The following MYADML2 variants were observed in gnomAD, a reference collection of about 807,000 sequenced individuals.
MYADML2 encodes the protein myeloid associated differentiation marker like 2, also known as myeloid-associated differentiation marker-like protein 2.
A neutral mutation model predicts 16.0 loss-of-function variants in MYADML2; 17 were observed. The ratio of observed to expected loss-of-function variants is 1.06; its 90% CI spans 0.73 to 1.60. The LOEUF (loss-of-function observed/expected upper bound fraction) is 1.60. MYADML2 is among the 40% of genes most tolerant of loss of function. The pLI is 0.00. For missense variants in MYADML2, 422 were observed against 437.7 expected (o/e 0.96, Z 0.32); for synonymous variants, 210 against 208.1 (o/e 1.01, Z -0.08).
chr17:81,941,417 A>G lies in MYADML2; in HGVS notation c.325T>C (p.Tyr109His), dbSNP rs746715916. The change falls in exon 3 of 3, where the codon TAC becomes CAC. Residue 109 changes from tyrosine to histidine, a missense_variant. Transcript: ENST00000409745. ...GGGGAACACTCCCGCCGGGCAAAGTACAGCGGATACAGGACCGCAGCCGTC... is the reference window on the plus strand; with the variant it reads ...GGGGAACACTCCCGCCGGGCAAAGTGCAGCGGATACAGGACCGCAGCCGTC... ...CATAAVLYPL[Y>H]FARRECSPEP... The G allele has an allele frequency of 1.9e-5, 30 of 1,549,198 alleles. No individual in the cohort carries two copies. The South Asian group carries it at 3.6e-4, about 18-fold the overall frequency.
rs745615418 is a variant in MYADML2, at chr17:81,941,565, G to A, written c.177C>T (p.Gly59=). The A allele has an allele frequency of 1.3e-6, 2 of 1,548,298 alleles. No homozygotes were observed. The highest frequency in any genetic ancestry group is 1.7e-6 in the Non-Finnish European group (2 of 1,146,800). ...VQGTFCMAAW[G]FCFAVSALVV... is the part of the protein sequence containing the mutation. The stretch of plus-strand genomic sequence containing the variant: ...CCAGCGCAGAGACGGCGAAGCAGAA[G>A]CCCCAGGCGGCCATGCAGAAGGTGC... The change falls in exon 3 of 3, where the codon GGC becomes GGT. Residue 59 remains glycine (G), a synonymous_variant. Coordinates refer to ENST00000409745, the MANE Select transcript of MYADML2 (RefSeq NM_001145113.3).
At position 81,941,203 on chromosome 17, in the gene MYADML2, C is replaced by T. The variant is rs1156316714; in HGVS notation, c.539G>A (p.Gly180Glu). Reference protein sequence around the residue: ...VQAFVACIIFGALVHDSRYGR... With the variant: ...VQAFVACIIFEALVHDSRYGR... ...GTAGCGGCTGTCATGGACCAGCGCC[C>T]CGAAGATGATGCAGGCCACGAAGGC... Residue 180 changes from glycine (G) to glutamate (E), a missense_variant, in exon 3 of 3, where the codon GGG (glycine) becomes GAG (glutamate). Transcript: ENST00000409745. 1.3e-6 allele frequency: 2 copies of T among 1,550,156 alleles called. No individual in the cohort carries two copies. Among genetic ancestry groups the T allele is most frequent in the African/African-American group, 1.4e-5 (1 of 73,172 alleles).
Position 81,941,109 on chromosome 17 carries a change from C to A in MYADML2, c.633G>T (p.Val211=). ...TGTGGCCCATCACACTCAGGGCCAC[C>A]ACGGCCACTGTGGCCAGGAAGCACA... is the stretch of plus-strand genomic sequence containing the variant. ...YSLCFLATVA[V]VALSVMGHTG... is the part of the protein sequence containing the mutation. Residue 211 remains valine, a synonymous_variant, in exon 3 of 3, where the codon GTG becomes GTT. Coordinates refer to ENST00000409745, the MANE Select transcript of MYADML2 (RefSeq NM_001145113.3). 1.3e-6 allele frequency: 2 copies of A among 1,550,342 alleles called. No homozygotes were observed. Among genetic ancestry groups the A allele is most frequent in the Non-Finnish European group, 1.7e-6 (2 of 1,146,994 alleles).
intron 1 of MYADML2, among the ~76,000 whole-genome samples, chr17:81,946,450 C>G (rs759544757): frequency 9.9e-5 from 15 of 151,388 alleles, no homozygotes; most frequent in Non-Finnish European, 1.8e-4. Context: ...AGATCGAGAC[C>G]ATCCTGGCCA....
rs2041304356 is a variant in MYADML2, at chr17:81,941,530, C to A, written c.212G>T (p.Cys71Phe). 1 of 1,548,010 alleles carries A rather than the reference C, an allele frequency of 6.5e-7. No homozygotes were observed. The change falls in exon 3 of 3, where the codon TGT becomes TTT. Residue 71 changes from cysteine (C) to phenylalanine (F), a missense_variant. Transcript: ENST00000409745. ...GCAGCCGTGGAGCCGTGTGAACTCACAGGCCACCACCAGCGCAGAGACGGC... is the reference window on the plus strand; with the variant it reads ...GCAGCCGTGGAGCCGTGTGAACTCAAAGGCCACCACCAGCGCAGAGACGGC... ...CFAVSALVVA[C>F]EFTRLHGCLR...
chr17:81,946,455 T>A (rs531301506), intron 1 of MYADML2, among the ~76,000 whole-genome samples: 1 of 150,974 alleles, frequency 6.6e-6, no homozygotes, highest in South Asian at 2.1e-4. Flanking sequence ...GAGACCATCC[T>A]GGCCAACGTG....
At chr17:81,946,403 C>T (rs1349583614) in intron 1 of MYADML2, among the ~76,000 whole-genome samples, 1 of 151,586 alleles carries the variant, frequency 6.6e-6, no homozygotes, top group Non-Finnish European at 1.5e-5. Context: ...AATCCCAGCA[C>T]TTTGGGAGGC....
Position 81,940,129 on chromosome 17 carries a change from G to A in MYADML2, c.*689C>T, listed in dbSNP as rs2041289813. On this transcript the variant is annotated 3_prime_UTR_variant, in exon 3 of 3. Transcript: ENST00000409745. ...ACCTCCAGCCTGCGGAGACTCCGGAGGAAGCCTGCTTCCAAACACTGTGGC... is the reference window on the plus strand; with the variant it reads ...ACCTCCAGCCTGCGGAGACTCCGGAAGAAGCCTGCTTCCAAACACTGTGGC... The A allele has an allele frequency of 6.6e-6, 1 of 152,318 alleles. No individual in the cohort carries two copies. 9.4% of individuals were successfully genotyped at this position (152,318 alleles called of 1,614,324 possible).
chr17:81,943,829 G>C (rs928770974), intron 1 of MYADML2, among the ~76,000 whole-genome samples: 1 of 151,970 alleles, frequency 6.6e-6, no homozygotes, highest in African/African-American at 2.4e-5. Context: ...CTTAAATCCA[G>C]CCGGGCGCGG....
At position 81,941,827 on chromosome 17, in the gene MYADML2, T is replaced by TTGGTTTCACGCTTGTGGGGGAGG; in HGVS notation, c.-87_-86insCCTCCCCCACAAGCGTGAAACCA. 7.7e-7 allele frequency: 1 copy of TTGGTTTCACGCTTGTGGGGGAGG among 1,302,896 alleles called. No individual in the cohort carries two copies. Among genetic ancestry groups the TTGGTTTCACGCTTGTGGGGGAGG allele is most frequent in the East Asian group, 2.6e-5 (1 of 39,200 alleles). The allele number at this position is 1,302,896 out of a possible 1,614,324, so 80.7% of individuals were successfully genotyped here. ...AAGGCCCCTCAGTCCTCTGCGGTAGTGGCAGGTGCCTGCAGCCTGCAGAGG... is the reference window on the plus strand; with the variant it reads ...AAGGCCCCTCAGTCCTCTGCGGTAGTTGGTTTCACGCTTGTGGGGGAGGGGCAGGTGCCTGCAGCCTGCAGAGG... On this transcript the variant is annotated 5_prime_UTR_variant, in exon 3 of 3. The change abolishes the stop of an existing upstream ORF in the 5' untranslated region. Coordinates refer to ENST00000409745, the MANE Select transcript of MYADML2 (RefSeq NM_001145113.3).
intron 1 of MYADML2, among the ~76,000 whole-genome samples, chr17:81,945,094 C>T (rs1384135485): frequency 6.6e-6 from 1 of 151,794 alleles, no homozygotes; most frequent in Non-Finnish European, 1.5e-5. Context: ...AGTGAGACCC[C>T]ATCTCTACAA....
At chr17:81,943,832 G>T (rs938957230) in intron 1 of MYADML2, among the ~76,000 whole-genome samples, 1 of 151,942 alleles carries the variant, frequency 6.6e-6, no homozygotes, top group Admixed American at 6.6e-5. Context: ...AAATCCAGCC[G>T]GGCGCGGTGG....
rs4796857 is a variant in MYADML2 at position 81,940,674 on chromosome 17, T to C, written c.*144A>G. ...TGAGCCCAGTCTGGAAGTCGGGGAG[T>C]GACCTCTCCCGTTGTACTTCATCTC... On this transcript the variant is annotated 3_prime_UTR_variant, in exon 3 of 3. Transcript: ENST00000409745. 891,228 of 894,330 alleles carry C rather than the reference T, an allele frequency of 1. 444,144 individuals carry two copies. The highest frequency in any genetic ancestry group is 1 in the South Asian group (54,500 of 54,500). 55.4% of individuals were successfully genotyped at this position (894,330 alleles called of 1,614,324 possible).
intron 1 of MYADML2, among the ~76,000 whole-genome samples, chr17:81,944,535 C>T (rs2041329450): frequency 1.3e-5 from 2 of 152,218 alleles, no homozygotes; most frequent in Non-Finnish European, 2.9e-5. Flanking sequence ...CGGTTCCTGA[C>T]ATAGAGCTCC....
intron 1 of MYADML2, among the ~76,000 whole-genome samples, chr17:81,946,572 C>T (rs1261342555): frequency 3.3e-5 from 5 of 151,902 alleles, no homozygotes; most frequent in South Asian, 2.1e-4. Context: ...GGCGTGAACC[C>T]GGGAGGCAGA....
At position 81,940,822 on chromosome 17, in the gene MYADML2, A is replaced by G; in HGVS notation, c.920T>C (p.Leu307Pro). 1 of 1,498,262 alleles carries G rather than the reference A, an allele frequency of 6.7e-7. No homozygotes were observed. Among genetic ancestry groups the G allele is most frequent in the Non-Finnish European group, 9.0e-7 (1 of 1,116,602 alleles). 92.8% of individuals were successfully genotyped at this position (1,498,262 alleles called of 1,614,324 possible). The change falls in exon 3 of 3, where the codon CTG becomes CCG. Residue 307 changes from leucine to proline, a missense_variant. By Grantham distance (98) the Leu-to-Pro change is moderately conservative. Transcript: ENST00000409745. The part of the protein sequence containing the change: ...YSQRIRFVPS[L>P] ...TGGGTGGGCTGCCACTGTGGGCTAC[A>G]GGCTGGGCACGAAGCGAATCCTCTG... is the stretch of plus-strand genomic sequence containing the variant.
At chr17:81,944,321 T>G (rs1309579328) in intron 1 of MYADML2, among the ~76,000 whole-genome samples, 1 of 149,422 alleles carries the variant, frequency 6.7e-6, no homozygotes, top group African/African-American at 2.5e-5. Context: ...GAGGCTGAGG[T>G]GGGAGAATGG....
intron 1 of MYADML2, among the ~76,000 whole-genome samples, chr17:81,943,693 T>G (rs896023830): frequency 6.6e-5 from 10 of 151,886 alleles, no homozygotes; most frequent in Middle Eastern, 3.4e-3. Flanking sequence ...GTTAGCCACC[T>G]CGCCCAGCTT....
In MYADML2 at chr17:81,941,387, G is replaced by T. The variant is rs542106103; in HGVS notation, c.355C>A (p.Pro119Thr). The change falls in exon 3 of 3, where the codon CCC (proline) becomes ACC (threonine). Residue 119 changes from proline (P) to threonine (T), a missense_variant. By Grantham distance (38) the Pro-to-Thr change is conservative (BLOSUM62 -1). Transcript: ENST00000409745. The stretch of plus-strand genomic sequence containing the variant: ...AAGTCCCTGGCAGCACAGCCGGCGG[G>T]CTCGGGGGAACACTCCCGCCGGGCA... ...YFARRECSPEPAGCAARDFRL... is the reference protein window; with the variant it reads ...YFARRECSPETAGCAARDFRL... 8.9e-5 allele frequency: 138 copies of T among 1,548,932 alleles called. No homozygotes were observed. The highest frequency in any genetic ancestry group is 1.1e-4 in the Non-Finnish European group (127 of 1,146,340).
Sources: allele counts gnomAD v4.1 joint callset (sites outside exome capture counted in the v4.1 genomes callset), GRCh38; gene constraint gnomAD v4.1.1; transcripts MANE v1.5; gene names NCBI Gene and HGNC (gene_info 2026-07-23, HGNC 2026-07-21).